The following IWS1 variants were observed in gnomAD, a reference collection of about 807,000 sequenced individuals.
IWS1 encodes the protein protein IWS1 homolog.
In IWS1, 27 loss-of-function variants were observed where a neutral mutation model predicts 86.7. The observed-to-expected ratio is 0.31, with a 90% CI of 0.23 to 0.43. IWS1 has a LOEUF of 0.43. IWS1 is among the 20% of genes least tolerant of loss of function. The pLI is 1.00. For missense variants in IWS1, 827 were observed against 1,000.8 expected (o/e 0.83, Z 2.34); for synonymous variants, 313 against 335.1 (o/e 0.93, Z 0.72).
chr2:127,518,000 C>T (rs1691867138), intron 2 of IWS1, among the ~76,000 whole-genome samples: 1 of 151,974 alleles, frequency 6.6e-6, no homozygotes, highest in African/African-American at 2.4e-5. Context: ...AAGACATGTC[C>T]AGAACAAGGA....
chr2:127,511,206 A>C (rs547634632), intron 2 of IWS1: 68 of 152,346 alleles, frequency 4.5e-4, no homozygotes, highest in African/African-American at 1.6e-3. Context: ...ATAATGTGAC[A>C]GTTAAGGCTG....
chr2:127,526,357 G>GT lies in IWS1; in HGVS notation c.-150dup. 6.5e-7 allele frequency: 1 copy of GT among 1,537,238 alleles called. No individual in the cohort carries two copies. Among genetic ancestry groups the GT allele is most frequent in the Non-Finnish European group, 8.7e-7 (1 of 1,146,566 alleles). On this transcript the variant is annotated 5_prime_UTR_variant, in exon 1 of 14. An upstream open reading frame in the 5' UTR gains an earlier in-frame stop. Coordinates refer to ENST00000295321, the MANE Select transcript of IWS1 (RefSeq NM_017969.3). ...AACGGGTGCGGAGGGTAAGAAAGCGGTAGCGGCAAAGGCGAATTCTTTGAC... is the reference window on the plus strand; with the variant it reads ...AACGGGTGCGGAGGGTAAGAAAGCGGTTAGCGGCAAAGGCGAATTCTTTGAC...
upstream of IWS1, chr2:127,526,647 G>T (rs1309171226): frequency 1.5e-6 from 2 of 1,326,144 alleles, no homozygotes; most frequent in Non-Finnish European, 2.0e-6. Flanking sequence ...TTCCTCGGGT[G>T]GATCCTGGTC....
chr2:127,484,422 CCCATTT>C (rs1443353220), intron 13 of IWS1: 2 of 152,162 alleles, frequency 1.3e-5, no homozygotes, highest in Non-Finnish European at 2.9e-5. Context: ...TCATTGGAAA[CCCATTT>C]CCATTTCTTT....
At chr2:127,484,823 C>CT (rs1157061197) in intron 13 of IWS1, 3 of 152,292 alleles carry the variant, frequency 2.0e-5, no homozygotes, top group South Asian at 2.1e-4. Flanking sequence ...GGATGAAACC[C>CT]CGTCTCTACT....
intron 2 of IWS1, among the ~76,000 whole-genome samples, chr2:127,517,704 A>T (rs546775575): frequency 6.6e-6 from 1 of 152,346 alleles, no homozygotes; most frequent in African/African-American, 2.4e-5. Flanking sequence ...GTTATGAGCC[A>T]GCAATTACCT....
intron 5 of IWS1, among the ~76,000 whole-genome samples, chr2:127,502,109 A>C (rs555529724): frequency 4.2e-4 from 64 of 152,320 alleles, no homozygotes; most frequent in Non-Finnish European, 7.5e-4. Flanking sequence ...AAACCACTGT[A>C]ATCTTATTTC....
chr2:127,526,442 G>A lies in IWS1; in HGVS notation c.-234C>T, dbSNP rs1186297831. ...GGCTGGCGGGCGGGCAGGCATGCGAGCCGGCGTTCTACTTCCTAGAAGCAC... is the reference window on the plus strand; with the variant it reads ...GGCTGGCGGGCGGGCAGGCATGCGAACCGGCGTTCTACTTCCTAGAAGCAC... On this transcript the variant is annotated 5_prime_UTR_variant, in exon 1 of 14. Coordinates refer to ENST00000295321, the MANE Select transcript of IWS1 (RefSeq NM_017969.3). 4 of 1,534,832 alleles carry A rather than the reference G, an allele frequency of 2.6e-6. No individual in the cohort carries two copies. Among genetic ancestry groups the A allele is most frequent in the Middle Eastern group, 1.7e-4 (1 of 5,976 alleles).
In IWS1 at chr2:127,489,110, CT is replaced by C. The variant is rs1473415403; in HGVS notation, c.2216+68del. ...GAGCATAACATCATTTCATTTACTA[CT>C]TTTCTTAAAGCAGCAAACGGAAATT... is the stretch of plus-strand genomic sequence containing the variant. On this transcript the variant is annotated intron_variant, in intron 12 of 13. Coordinates refer to ENST00000295321, the MANE Select transcript of IWS1 (RefSeq NM_017969.3). The surrounding 1 kb of genome is among the most constrained non-coding windows in gnomAD (Gnocchi z 4.8). 1 of 1,118,116 alleles carries C rather than the reference CT, an allele frequency of 8.9e-7. No homozygotes were observed. The highest frequency in any genetic ancestry group is 1.3e-6 in the Non-Finnish European group (1 of 751,072). 69.3% of individuals were successfully genotyped at this position (1,118,116 alleles called of 1,614,324 possible). A position where few individuals can be genotyped will look rare whatever the true frequency, so the allele number is the denominator to read the frequency against.
chr2:127,487,380 A>G (rs1052999053), intron 12 of IWS1, among the ~76,000 whole-genome samples: 3 of 152,334 alleles, frequency 2.0e-5, no homozygotes, highest in South Asian at 2.1e-4. Flanking sequence ...TAACCATGCT[A>G]GACTAAAATA....
intron 7 of IWS1, 142 bp downstream of exon 7, chr2:127,495,856 G>T: frequency 1.4e-6 from 1 of 721,860 alleles, no homozygotes; most frequent in Non-Finnish European, 2.1e-6. Flanking sequence ...ATATTTCCAT[G>T]ATTAAAATTG....
chr2:127,509,042 T>C (rs940832411), intron 2 of IWS1, among the ~76,000 whole-genome samples: 5 of 152,166 alleles, frequency 3.3e-5, no homozygotes, highest in Admixed American at 6.5e-5. Context: ...CACGAAAACA[T>C]AGCATTATGT....
At chr2:127,506,433 A>G (rs1691154271) in intron 2 of IWS1, among the ~76,000 whole-genome samples, 1 of 152,198 alleles carries the variant, frequency 6.6e-6, no homozygotes, top group African/African-American at 2.4e-5. Flanking sequence ...ACATGTAACC[A>G]AGTTCTTTTA....
intron 5 of IWS1, among the ~76,000 whole-genome samples, chr2:127,500,312 C>T (rs549681083): frequency 2.6e-5 from 4 of 152,248 alleles, no homozygotes; most frequent in South Asian, 2.1e-4. Flanking sequence ...CTGGTTTTTT[C>T]GATCTGCTTC....
chr2:127,486,021 T>C (rs1050860555), intron 13 of IWS1: 6 of 154,036 alleles, frequency 3.9e-5, no homozygotes, highest in African/African-American at 1.4e-4. Flanking sequence ...AGGCCCTTTT[T>C]AAGAATACCA....
At chr2:127,523,196 T>C (rs1363805648) in intron 2 of IWS1, among the ~76,000 whole-genome samples, 1 of 151,976 alleles carries the variant, frequency 6.6e-6, no homozygotes, top group Admixed American at 6.6e-5. Context: ...TGTTACAGAG[T>C]CAGACCCTGT....
At position 127,526,226 on chromosome 2, in the gene IWS1, C is replaced by G. The variant is rs1410484958; in HGVS notation, c.-18G>C. ...GAGTCCATGGCAGGCGGACTCTCAGCGGGGAGTGTCCGCGCCCCGCGCCGC... is the reference window on the plus strand; with the variant it reads ...GAGTCCATGGCAGGCGGACTCTCAGGGGGGAGTGTCCGCGCCCCGCGCCGC... On this transcript the variant is annotated 5_prime_UTR_variant, in exon 1 of 14. Transcript: ENST00000295321. 6.4e-7 allele frequency: 1 copy of G among 1,560,548 alleles called. No individual in the cohort carries two copies. Among genetic ancestry groups the G allele is most frequent in the Non-Finnish European group, 8.7e-7 (1 of 1,154,316 alleles).
In IWS1 at chr2:127,496,157, G is replaced by A. The variant is rs759554841; in HGVS notation, c.1566-9C>T. On this transcript the variant is annotated splice_polypyrimidine_tract_variant and intron_variant, in intron 6 of 13. Coordinates refer to ENST00000295321, the MANE Select transcript of IWS1 (RefSeq NM_017969.3). ...CTGACAGAAAGTCCATACTAAAGCA[G>A]TAAACAAAAGCAAGTGAAATACAAG... 1.9e-6 allele frequency: 3 copies of A among 1,598,780 alleles called. No individual in the cohort carries two copies. The South Asian group carries it at 3.4e-5, about 18-fold the overall frequency.
intron 2 of IWS1, among the ~76,000 whole-genome samples, chr2:127,508,290 A>T (rs1274335686): frequency 1.3e-5 from 2 of 152,178 alleles, no homozygotes; most frequent in Non-Finnish European, 2.9e-5. Context: ...TGCACTATTC[A>T]CAAAGTATGT....
Sources: gnomAD v4.1 joint callset for allele counts (sites outside exome capture counted in the v4.1 genomes callset) on GRCh38, gnomAD v4.1.1 for gene constraint, Gnocchi (gnomAD v3.1) non-coding constraint, MANE v1.5 for transcripts, NCBI Gene and HGNC (gene_info 2026-07-23, HGNC 2026-07-21) for gene names.